The following SLTM variants were observed in gnomAD, a reference collection of about 807,000 sequenced individuals.
SLTM encodes the protein SAFB-like transcription modulator.
In SLTM, 43 loss-of-function variants were observed where a neutral mutation model predicts 134.6. The observed-to-expected ratio is 0.32, with a 90% CI of 0.25 to 0.41. The LOEUF (loss-of-function observed/expected upper bound fraction) is 0.41. Among genes scored for constraint, SLTM ranks in the 10% least tolerant of loss-of-function variants. The pLI, the probability that SLTM is intolerant of heterozygous loss-of-function variation, is 1.00. For missense variants in SLTM, 1,055 were observed against 1,288.8 expected (o/e 0.82, Z 2.78); for synonymous variants, 424 against 432.3 (o/e 0.98, Z 0.24).
intron 2 of SLTM, among the ~76,000 whole-genome samples, chr15:58,923,219 C>T (rs185938495): frequency 3.6e-4 from 54 of 152,010 alleles, no homozygotes; most frequent in African/African-American, 1.2e-3. Context: ...ATTGGCCAGG[C>T]GTGGTGGTGT....
At chr15:58,885,279 A>C (rs1476937362) in intron 19 of SLTM, among the ~76,000 whole-genome samples, 1 of 152,204 alleles carries the variant, frequency 6.6e-6, no homozygotes, top group Non-Finnish European at 1.5e-5. Flanking sequence ...AGCTTACAGG[A>C]AAGAAAGCAG....
Position 58,933,580 on chromosome 15 carries a change from G to A in SLTM, c.-15C>T. ...GCGGCAGCCATCTTAGAAGAGCAGCGCGCTGCCGAGGCAGCGAGTGGGCTG... is the reference window on the plus strand; with the variant it reads ...GCGGCAGCCATCTTAGAAGAGCAGCACGCTGCCGAGGCAGCGAGTGGGCTG... On this transcript the variant is annotated 5_prime_UTR_variant, in exon 1 of 21. Transcript: ENST00000380516. 3 of 1,566,742 alleles carry A rather than the reference G, an allele frequency of 1.9e-6. No individual in the cohort carries two copies. Among genetic ancestry groups the A allele is most frequent in the Non-Finnish European group, 2.6e-6 (3 of 1,158,538 alleles).
chr15:58,884,782 A>G (rs1443878573), intron 19 of SLTM, among the ~76,000 whole-genome samples: 1 of 151,990 alleles, frequency 6.6e-6, no homozygotes, highest in Non-Finnish European at 1.5e-5. Flanking sequence ...CAGGGTGCAC[A>G]CCACCATGCC....
intron 4 of SLTM, 77 bp from the exon 5 acceptor site, chr15:58,912,687 G>C: frequency 8.6e-7 from 1 of 1,165,916 alleles, no homozygotes; most frequent in East Asian, 2.6e-5. Context: ...GCTTACACCT[G>C]ATTATCATTT....
chr15:58,882,147 T>G (rs1320636387), intron 20 of SLTM, among the ~76,000 whole-genome samples: 2 of 107,278 alleles, frequency 1.9e-5, no homozygotes, highest in East Asian at 7.5e-4. Flanking sequence ...ACTGCACCAC[T>G]ACACTCCAGC....
At chr15:58,880,538 G>A (rs1382574416) in intron 20 of SLTM, among the ~76,000 whole-genome samples, 1 of 151,968 alleles carries the variant, frequency 6.6e-6, no homozygotes, top group Non-Finnish European at 1.5e-5. Flanking sequence ...AGCAACCTGT[G>A]CTTTTCTTTG....
At position 58,933,625 on chromosome 15, in the gene SLTM, C is replaced by A; in HGVS notation, c.-60G>T. On this transcript the variant is annotated 5_prime_UTR_variant, in exon 1 of 21. Transcript: ENST00000380516. The stretch of plus-strand genomic sequence containing the variant: ...GGGCTGCAGGGCGGCGGCAGCAGCG[C>A]CAACTTCCACCCAGGCCTCGGCGGC... 1 of 1,458,932 alleles carries A rather than the reference C, an allele frequency of 6.9e-7. No individual in the cohort carries two copies. Among genetic ancestry groups the A allele is most frequent in the African/African-American group, 1.5e-5 (1 of 68,132 alleles). 90.4% of individuals were successfully genotyped at this position (1,458,932 alleles called of 1,614,324 possible).
intron 16 of SLTM, 53 bp downstream of exon 16, chr15:58,889,377 T>G: frequency 1.2e-6 from 2 of 1,605,772 alleles, no homozygotes; most frequent in Non-Finnish European, 1.7e-6. Context: ...AGTCTTAGCC[T>G]AAAGGGAATA....
At position 58,883,674 on chromosome 15, in the gene SLTM, C is replaced by T. The variant is rs773584344; in HGVS notation, c.2948G>A (p.Arg983Gln). The change falls in exon 20 of 21, where the codon CGA becomes CAA. Residue 983 changes from arginine to glutamine, a missense_variant. Physicochemically the swap from Arg to Gln is conservative, Grantham distance 43. Coordinates refer to ENST00000380516, the MANE Select transcript of SLTM (RefSeq NM_024755.4). ...SQGPSYHDTR[R>Q]MGDGRAGAGM... ...TGCTCCTGCCCGGCCGTCACCCATTCGCCTCGTATCATGATAGCTAGGCCC... is the reference window on the plus strand; with the variant it reads ...TGCTCCTGCCCGGCCGTCACCCATTTGCCTCGTATCATGATAGCTAGGCCC... The T allele has an allele frequency of 1.7e-5, 27 of 1,614,024 alleles. No homozygotes were observed. Among genetic ancestry groups the T allele is most frequent in the East Asian group, 8.9e-5 (4 of 44,890 alleles).
intron 2 of SLTM, among the ~76,000 whole-genome samples, chr15:58,924,212 C>A (rs949352979): frequency 6.6e-6 from 1 of 152,124 alleles, no homozygotes; most frequent in Non-Finnish European, 1.5e-5. Context: ...GCAAGATTAA[C>A]CTATCACATC....
intron 2 of SLTM, among the ~76,000 whole-genome samples, chr15:58,925,326 G>C (rs1423374647): frequency 6.6e-6 from 1 of 151,970 alleles, no homozygotes; most frequent in African/African-American, 2.4e-5. Context: ...TCATACAATA[G>C]GTCACTCTGA....
chr15:58,931,578 T>C (rs557313669), intron 2 of SLTM, among the ~76,000 whole-genome samples: 1 of 152,310 alleles, frequency 6.6e-6, no homozygotes, highest in Admixed American at 6.5e-5. Context: ...ATGTCCACCC[T>C]CTGCCACTGT....
intron 5 of SLTM, among the ~76,000 whole-genome samples, chr15:58,907,163 A>G (rs1403046923): frequency 6.6e-6 from 1 of 152,178 alleles, no homozygotes; most frequent in African/African-American, 2.4e-5. Context: ...TGTGGAGGAG[A>G]TAAGAGGTGA....
rs1447216461 is a variant in SLTM, at chr15:58,913,508, G to T, written c.504C>A (p.Ile168=). ...AAAACTGGCTAAAGACCTGACTTTC[G>T]ATGTCCTCTTTTTCTATATCTTCTA... ...EGIEDIEKED[I]ESQEIEAQEG... The change falls in exon 4 of 21, where the codon ATC becomes ATA. Residue 168 remains isoleucine (I), a synonymous_variant. Coordinates refer to ENST00000380516, the MANE Select transcript of SLTM (RefSeq NM_024755.4). 1 of 1,603,192 alleles carries T rather than the reference G, an allele frequency of 6.2e-7. No individual in the cohort carries two copies. The highest frequency in any genetic ancestry group is 8.5e-7 in the Non-Finnish European group (1 of 1,176,104).
intron 5 of SLTM, among the ~76,000 whole-genome samples, chr15:58,911,019 C>G (rs1303326897): frequency 1.3e-5 from 2 of 152,116 alleles, no homozygotes; most frequent in East Asian, 3.8e-4. Flanking sequence ...GCTGGGATGA[C>G]AGGTGTGAGC....
intron 2 of SLTM, among the ~76,000 whole-genome samples, chr15:58,920,920 A>T (rs1852152097): frequency 6.6e-6 from 1 of 152,140 alleles, no homozygotes; most frequent in South Asian, 2.1e-4. Context: ...GCACCAGTGC[A>T]CTCTAGCCTT....
At chr15:58,890,746 A>G (rs1398444425) in intron 14 of SLTM, among the ~76,000 whole-genome samples, 1 of 152,202 alleles carries the variant, frequency 6.6e-6, no homozygotes, top group African/African-American at 2.4e-5. Flanking sequence ...ATAATAGTCC[A>G]TTAATTAATT....
chr15:58,887,260 C>T lies in SLTM; in HGVS notation c.2656G>A (p.Glu886Lys). 1 of 1,614,166 alleles carries T rather than the reference C, an allele frequency of 6.2e-7. No individual in the cohort carries two copies. The highest frequency in any genetic ancestry group is 8.5e-7 in the Non-Finnish European group (1 of 1,179,994). ...NPSRPTSWKS[E>K]GSMSTDKRET... ...CGTTTGTCAGTGGACATGCTTCCTT[C>T]ACTTTTCCAGCTGGTGGGTCTGGAA... The change falls in exon 18 of 21, where the codon GAA becomes AAA. Residue 886 changes from glutamate to lysine, a missense_variant. Glu to Lys is a moderately conservative substitution (Grantham distance 56). Transcript: ENST00000380516.
rs1241334030 is a variant in SLTM at position 58,889,016 on chromosome 15, TAAG to T, written c.2204+411_2204+413del. On this transcript the variant is annotated intron_variant, in intron 16 of 20. Transcript: ENST00000380516. ...CAACTCAGTTTCATAGAATTTATGT[TAAG>T]AAGATTAAATGGGCATACTTATGTT... 1.2e-4 allele frequency: 23 copies of T among 191,204 alleles called. No individual in the cohort carries two copies. The East Asian group carries it at 2.6e-3, about 21-fold the overall frequency. The allele number at this position is 191,204 out of a possible 1,614,324, so 11.8% of individuals were successfully genotyped here.
Sources: allele counts gnomAD v4.1 joint callset (sites outside exome capture counted in the v4.1 genomes callset), GRCh38; gene constraint gnomAD v4.1.1; transcripts MANE v1.5; gene names NCBI Gene and HGNC (gene_info 2026-07-23, HGNC 2026-07-21).